CTNNA2: variants seen among roughly 807,000 people sequenced by gnomAD.
The protein encoded by CTNNA2 is catenin alpha 2.
A neutral mutation model predicts 101.0 loss-of-function variants in CTNNA2; 42 were observed. The ratio of observed to expected loss-of-function variants is 0.42; its 90% CI spans 0.32 to 0.54. The LOEUF is 0.54. Among genes scored for constraint, CTNNA2 ranks in the 20% least tolerant of loss-of-function variants. The pLI is 0.14. For missense variants in CTNNA2, 871 were observed against 1,223.1 expected, an observed-to-expected ratio of 0.71 and a Z score of 4.29; for synonymous variants, 450 against 456.4, an observed-to-expected ratio of 0.99 and a Z score of 0.18.
chr2:80,192,402 C>A (rs1266133928), intron 7 of CTNNA2, among the ~76,000 whole-genome samples: 1 of 152,172 alleles, frequency 6.6e-6, no homozygotes, highest in Non-Finnish European at 1.5e-5. Flanking sequence ...GATGATTTAA[C>A]TCCTTTCTGT....
intron 2 of CTNNA2, among the ~76,000 whole-genome samples, chr2:79,684,164 C>A (rs10191302): frequency 0.14 from 21,264 of 152,118 alleles, 1,728 homozygotes; most frequent in East Asian, 0.41. Flanking sequence ...AGTAGGGGTA[C>A]CTTAGAATGA....
intron 2 of CTNNA2, among the ~76,000 whole-genome samples, chr2:79,673,504 G>C (rs144243127): frequency 6.6e-6 from 1 of 152,022 alleles, no homozygotes; most frequent in Non-Finnish European, 1.5e-5. Flanking sequence ...TAATCATTTC[G>C]TTCCTTAAAA....
intron 9 of CTNNA2, among the ~76,000 whole-genome samples, chr2:80,535,932 C>G (rs1429434742): frequency 5.3e-5 from 8 of 152,206 alleles, no homozygotes; most frequent in Non-Finnish European, 1.2e-4. Context: ...CTTGACTCTC[C>G]TCAAGTCCAA....
intron 7 of CTNNA2, among the ~76,000 whole-genome samples, chr2:80,375,435 C>T (rs888368788): frequency 6.6e-6 from 1 of 152,138 alleles, no homozygotes; most frequent in African/African-American, 2.4e-5. Context: ...AGCTTGGCAC[C>T]AGTCTGGCTT....
chr2:79,454,424 C>A (rs963544023), intron 4 of CTNNA2, among the ~76,000 whole-genome samples: 2 of 152,110 alleles, frequency 1.3e-5, no homozygotes, highest in Non-Finnish European at 2.9e-5. Flanking sequence ...ATGCTTCTTT[C>A]ATTTTGTGCC....
chr2:80,348,807 A>G (rs1312388261), intron 7 of CTNNA2, among the ~76,000 whole-genome samples: 2 of 152,042 alleles, frequency 1.3e-5, no homozygotes, highest in Non-Finnish European at 2.9e-5. Context: ...GTGACTGAGG[A>G]GCACAAGGTA....
intron 2 of CTNNA2, among the ~76,000 whole-genome samples, chr2:79,739,775 G>A (rs936488684): frequency 5.9e-5 from 9 of 152,122 alleles, no homozygotes; most frequent in Non-Finnish European, 1.3e-4. Context: ...CCACCTTGTG[G>A]CTCCCACCTT....
At chr2:79,767,825 C>T (rs890836784) in intron 3 of CTNNA2, among the ~76,000 whole-genome samples, 1 of 151,296 alleles carries the variant, frequency 6.6e-6, no homozygotes, top group South Asian at 2.1e-4. Flanking sequence ...GCAAAGTCTT[C>T]CCCACTCTTT....
intron 2 of CTNNA2, among the ~76,000 whole-genome samples, chr2:79,672,287 T>A (rs535759684): frequency 2.2e-4 from 33 of 152,236 alleles, no homozygotes; most frequent in Admixed American, 2.2e-3. Flanking sequence ...TAACCAAAAA[T>A]ATATTTCTCT....
At chr2:79,458,671 A>C (rs1397747200) in intron 4 of CTNNA2, among the ~76,000 whole-genome samples, 1 of 152,168 alleles carries the variant, frequency 6.6e-6, no homozygotes, top group Non-Finnish European at 1.5e-5. Flanking sequence ...ATAAAAGTTT[A>C]TTGTATATTT....
At chr2:79,400,003 T>C (rs1678272426) in intron 4 of CTNNA2, among the ~76,000 whole-genome samples, 1 of 151,982 alleles carries the variant, frequency 6.6e-6, no homozygotes, top group Non-Finnish European at 1.5e-5. Flanking sequence ...CCCAAAGTGG[T>C]TGGAGCACAG....
chr2:80,301,015 C>T (rs550526837), intron 7 of CTNNA2, among the ~76,000 whole-genome samples: 1 of 152,160 alleles, frequency 6.6e-6, no homozygotes, highest in East Asian at 1.9e-4. Flanking sequence ...GCTTTTCTGT[C>T]CTGGGTTAAC....
At chr2:79,790,101 T>C (rs1438386127) in intron 3 of CTNNA2, among the ~76,000 whole-genome samples, 1 of 152,204 alleles carries the variant, frequency 6.6e-6, no homozygotes, top group African/African-American at 2.4e-5. Context: ...AGTGATGATG[T>C]AGTCAGCAGT....
intron 2 of CTNNA2, among the ~76,000 whole-genome samples, chr2:79,278,481 A>T (rs1209465955): frequency 6.6e-6 from 1 of 151,702 alleles, no homozygotes; most frequent in African/African-American, 2.4e-5. Flanking sequence ...GAGAGGGCCT[A>T]CATGTGACTC....
chr2:79,457,950 A>C (rs184119414), intron 4 of CTNNA2, among the ~76,000 whole-genome samples: 31 of 152,282 alleles, frequency 2.0e-4, no homozygotes, highest in Admixed American at 1.8e-3. Context: ...TGGCAAATAG[A>C]CAGTTCCTGG....
At chr2:80,411,083 A>G (rs968891584) in intron 8 of CTNNA2, among the ~76,000 whole-genome samples, 4 of 152,228 alleles carry the variant, frequency 2.6e-5, no homozygotes, top group African/African-American at 7.2e-5. Flanking sequence ...AATGGATACC[A>G]GTCTTTCTGG....
intron 9 of CTNNA2, among the ~76,000 whole-genome samples, chr2:80,505,556 G>A (rs1688209500): frequency 6.6e-6 from 1 of 152,058 alleles, no homozygotes; most frequent in African/African-American, 2.4e-5. Context: ...TTCTTACATT[G>A]AAGGCTATGG....
At chr2:80,465,781 A>C (rs1220337341) in intron 9 of CTNNA2, among the ~76,000 whole-genome samples, 1 of 152,188 alleles carries the variant, frequency 6.6e-6, no homozygotes, top group South Asian at 2.1e-4. Flanking sequence ...TTTTCATTTT[A>C]TGATGCAGTT....
chr2:79,613,669 T>C (rs1678437662), intron 1 of CTNNA2, among the ~76,000 whole-genome samples: 1 of 152,156 alleles, frequency 6.6e-6, no homozygotes, highest in Admixed American at 6.6e-5. Flanking sequence ...ATCATATTCT[T>C]TTTTCAACAA....
Sources: gnomAD v4.1 joint callset for allele counts (sites outside exome capture counted in the v4.1 genomes callset) on GRCh38, gnomAD v4.1.1 for gene constraint, MANE v1.5 for transcripts, NCBI Gene and HGNC (gene_info 2026-07-23, HGNC 2026-07-21) for gene names.